The following FBXO41 variants were observed in gnomAD, a reference collection of about 807,000 sequenced individuals.
The protein encoded by FBXO41 is F-box only protein 41.
A neutral mutation model predicts 81.6 loss-of-function variants in FBXO41; 33 were observed. That is an observed-to-expected ratio of 0.40 (90% CI 0.31 to 0.54). The LOEUF is 0.54. Among genes scored for constraint, FBXO41 ranks in the 20% least tolerant of loss-of-function variants. The pLI is 0.39. For synonymous variants in FBXO41, 576 were observed against 552.7 expected, an observed-to-expected ratio of 1.04 and a Z score of -0.59; for missense variants, 1,107 against 1,236.0, an observed-to-expected ratio of 0.90 and a Z score of 1.56.
intron 8 of FBXO41, 32 bp downstream of exon 8, chr2:73,263,646 G>T: frequency 6.2e-7 from 1 of 1,611,132 alleles, no homozygotes; most frequent in Non-Finnish European, 8.5e-7. Flanking sequence ...GGCTTAGAGG[G>T]AACAGGCCAT....
At position 73,269,466 on chromosome 2, in the gene FBXO41, C is replaced by CGCGGCGGCG. The variant is rs760529928; in HGVS notation, c.156_164dup (p.Ala59_Ala61dup). 1.4e-4 allele frequency: 176 copies of CGCGGCGGCG among 1,254,344 alleles called. No homozygotes were observed. Among genetic ancestry groups the CGCGGCGGCG allele is most frequent in the Non-Finnish European group, 1.7e-4 (171 of 998,068 alleles). The allele number at this position is 1,254,344 out of a possible 1,614,324, so 77.7% of individuals were successfully genotyped here. ...ACCCCGAGGCAGCGGCGGCGGCGGCCGCGGCGGCGGCGGCGCCGTCGCAGA... is the reference window on the plus strand; with the variant it reads ...ACCCCGAGGCAGCGGCGGCGGCGGCCGCGGCGGCGGCGGCGGCGGCGGCGCCGTCGCAGA... On this transcript the variant is annotated inframe_insertion, in exon 2 of 13. Coordinates refer to ENST00000520530, the MANE Select transcript of FBXO41 (RefSeq NM_001371389.2). The surrounding 1 kb of genome is among the most constrained non-coding windows in gnomAD (Gnocchi z 7.0).
At chr2:73,281,545 G>A (rs144260794) in intron 1 of FBXO41, among the ~76,000 whole-genome samples, 1 of 152,324 alleles carries the variant, frequency 6.6e-6, no homozygotes, top group Non-Finnish European at 1.5e-5. Context: ...CAGTAACTTA[G>A]GACTTGTCCT....
intron 1 of FBXO41, chr2:73,273,000 A>G (rs7609407): frequency 0.2 from 30,000 of 152,104 alleles, 3,370 homozygotes; most frequent in East Asian, 0.43. Flanking sequence ...GTGTACCAGG[A>G]AACCTCTTCC....
Position 73,263,725 on chromosome 2 carries a change from G to A in FBXO41, c.2028C>T (p.Leu676=). The part of the protein sequence containing the change: ...HCPNILTDRS[L]WLASCYCRAL... ...CACGGCAGTAGCAGCTGGCCAGCCAGAGCGAGCGGTCGGTGAGGATGTTTG... is the reference window on the plus strand; with the variant it reads ...CACGGCAGTAGCAGCTGGCCAGCCAAAGCGAGCGGTCGGTGAGGATGTTTG... The change falls in exon 8 of 13, where the codon CTC becomes CTT. Residue 676 remains leucine (L), a synonymous_variant. Coordinates refer to ENST00000520530, the MANE Select transcript of FBXO41 (RefSeq NM_001371389.2). The A allele has an allele frequency of 6.2e-7, 1 of 1,613,978 alleles. No homozygotes were observed. The highest frequency in any genetic ancestry group is 1.1e-5 in the South Asian group (1 of 91,084).
In FBXO41 at chr2:73,259,324, G is replaced by T; in HGVS notation, c.2450-28C>A. ...GAGAAAAGGTGAGCAAAGTAGGGGC[G>T]TGTTTGGCCTGGGCTGTGGAGCTGC... On this transcript the variant is annotated intron_variant, in intron 11 of 12. Coordinates refer to ENST00000520530, the MANE Select transcript of FBXO41 (RefSeq NM_001371389.2). The surrounding 1 kb of genome is among the most constrained non-coding windows in gnomAD (Gnocchi z 4.2). 1 of 1,592,732 alleles carries T rather than the reference G, an allele frequency of 6.3e-7. No individual in the cohort carries two copies. Among genetic ancestry groups the T allele is most frequent in the Non-Finnish European group, 8.6e-7 (1 of 1,160,708 alleles).
Position 73,269,207 on chromosome 2 carries a change from C to A in FBXO41, c.424G>T (p.Ala142Ser). 2.0e-6 allele frequency: 3 copies of A among 1,524,856 alleles called. No individual in the cohort carries two copies. The highest frequency in any genetic ancestry group is 2.6e-6 in the Non-Finnish European group (3 of 1,138,188). 94.5% of individuals were successfully genotyped at this position (1,524,856 alleles called of 1,614,324 possible). Residue 142 changes from alanine to serine, a missense_variant, in exon 2 of 13, where the codon GCA (alanine) becomes TCA (serine). Physicochemically the swap from Ala to Ser is moderately conservative, Grantham distance 99. Transcript: ENST00000520530. The surrounding 1 kb of genome is among the most constrained non-coding windows in gnomAD (Gnocchi z 7.0). ...ATCTCGCGCAGCGCATAGCGCGCTG[C>A]TGCGGCGGGCACAAGGCCCGGCTCG... ...LAEPGLVPAA[A>S]ARYALREIEI...
chr2:73,270,016 A>C (rs1688442759), intron 1 of FBXO41, among the ~76,000 whole-genome samples: 1 of 152,202 alleles, frequency 6.6e-6, no homozygotes. Context: ...AATGGTTCCA[A>C]CCTGGAAACG....
intron 1 of FBXO41, among the ~76,000 whole-genome samples, chr2:73,279,031 GA>G (rs1314509146): frequency 6.6e-6 from 1 of 152,218 alleles, no homozygotes; most frequent in Non-Finnish European, 1.5e-5. Flanking sequence ...AGGTCAGGAA[GA>G]AGGTTGTTGG....
Position 73,256,940 on chromosome 2 carries a change from G to A in FBXO41, c.*2042C>T, listed in dbSNP as rs1243893428. 6.5e-6 allele frequency: 1 copy of A among 152,890 alleles called. No individual in the cohort carries two copies. The highest frequency in any genetic ancestry group is 1.5e-5 in the Non-Finnish European group (1 of 68,302). The allele number at this position is 152,890 out of a possible 1,614,324, so 9.5% of individuals were successfully genotyped here. On this transcript the variant is annotated 3_prime_UTR_variant, in exon 13 of 13. Transcript: ENST00000520530. The stretch of plus-strand genomic sequence containing the variant: ...AGTTGGGCAGGCTCAAGCCAAGCAG[G>A]GCATCCCTTTGTGCTTTGTCTAGGA...
intron 1 of FBXO41, chr2:73,270,702 C>T (rs1275080011): frequency 2.1e-6 from 1 of 467,694 alleles, no homozygotes; most frequent in Non-Finnish European, 4.3e-6. Flanking sequence ...CACAAGGTCC[C>T]TCCATCCCCC....
chr2:73,264,641 T>G, intron 5 of FBXO41, 122 bp from the exon 6 acceptor site: 2 of 1,429,050 alleles, frequency 1.4e-6, no homozygotes, highest in Non-Finnish European at 1.9e-6. Context: ...TACCAGGGCC[T>G]AGGGAGGAAG....
At chr2:73,263,470 A>G (rs1450230703) in intron 8 of FBXO41, among the ~76,000 whole-genome samples, 162 bp from the exon 9 acceptor site, 1 of 149,374 alleles carries the variant, frequency 6.7e-6, no homozygotes, top group Non-Finnish European at 1.5e-5. Context: ...AAAAAAAAAA[A>G]GAAAGAAAGA....
rs371263050 is a variant in FBXO41 at position 73,264,260 on chromosome 2, G to C, written c.1806+18C>G. ...GTGGGTTCACAGCAGGGCACAGAAG[G>C]CAGGCAGGGGCAGGTACCTTGGAGC... On this transcript the variant is annotated intron_variant, in intron 6 of 12. Coordinates refer to ENST00000520530, the MANE Select transcript of FBXO41 (RefSeq NM_001371389.2). The C allele has an allele frequency of 3.7e-6, 6 of 1,612,890 alleles. No homozygotes were observed. In the East Asian group the frequency reaches 8.9e-5, roughly 24 times the overall value.
At chr2:73,272,988 T>A (rs1410561456) in intron 1 of FBXO41, 1 of 152,218 alleles carries the variant, frequency 6.6e-6, no homozygotes, top group East Asian at 1.9e-4. Context: ...GCAGTGAGAT[T>A]GGTGTACCAG....
chr2:73,270,685 C>G (rs1688465610), intron 1 of FBXO41: 3 of 433,428 alleles, frequency 6.9e-6, no homozygotes, highest in Non-Finnish European at 1.4e-5. Flanking sequence ...CCCCACACCC[C>G]TTTTGGCACA....
At chr2:73,280,192 A>G (rs1670926650) in intron 1 of FBXO41, among the ~76,000 whole-genome samples, 1 of 151,812 alleles carries the variant, frequency 6.6e-6, no homozygotes, top group South Asian at 2.1e-4. Flanking sequence ...GATCTCATCA[A>G]TCACTGATTT....
Position 73,260,474 on chromosome 2 carries a change from C to T in FBXO41, c.2364G>A (p.Glu788=), listed in dbSNP as rs1328577857. 2 of 1,605,640 alleles carry T rather than the reference C, an allele frequency of 1.2e-6. No homozygotes were observed. The part of the protein sequence containing the change: ...VSEITQEVAA[E]VCREGLKGLE... ...GTCCCTTCAGGCCTTCCCGGCAGAC[C>T]TCTGCTGCCACCTCCTGGGTGATCT... Residue 788 remains glutamate, a synonymous_variant, in exon 11 of 13, where the codon GAG becomes GAA. Coordinates refer to ENST00000520530, the MANE Select transcript of FBXO41 (RefSeq NM_001371389.2). This position sits in a 1 kb window ranked among gnomAD's most constrained non-coding sequence, Gnocchi z 5.0.
At chr2:73,281,241 T>G (rs1688839455) in intron 1 of FBXO41, among the ~76,000 whole-genome samples, 1 of 152,220 alleles carries the variant, frequency 6.6e-6, no homozygotes, top group Non-Finnish European at 1.5e-5. Flanking sequence ...TGAATACTTA[T>G]CTACTAATGA....
chr2:73,277,721 G>GTCT (rs1688736230), intron 1 of FBXO41, among the ~76,000 whole-genome samples: 3 of 152,030 alleles, frequency 2.0e-5, no homozygotes, highest in Admixed American at 2.0e-4. Context: ...TAAGATGTGT[G>GTCT]TCTTCTGTAG....
Sources: gnomAD v4.1 joint callset for allele counts (sites outside exome capture counted in the v4.1 genomes callset) on GRCh38, gnomAD v4.1.1 for gene constraint, Gnocchi (gnomAD v3.1) non-coding constraint, MANE v1.5 for transcripts, NCBI Gene and HGNC (gene_info 2026-07-23, HGNC 2026-07-21) for gene names.